CTNND2: variants seen among roughly 807,000 people sequenced by gnomAD.
CTNND2 encodes the protein catenin delta-2.
Under a neutral mutation model 144.4 loss-of-function variants are expected in CTNND2, and 22 were observed. The observed-to-expected ratio is 0.15, with a 90% CI of 0.11 to 0.22. The LOEUF (loss-of-function observed/expected upper bound fraction) is 0.22, where lower values mean the gene tolerates loss of function less well. CTNND2 is among the 10% of genes least tolerant of loss of function. CTNND2 has a pLI of 1.00. For missense variants in CTNND2, 1,353 were observed against 1,618.8 expected, an observed-to-expected ratio of 0.84 and a Z score of 2.82; for synonymous variants, 751 against 695.6, an observed-to-expected ratio of 1.08 and a Z score of -1.25.
At chr5:11,364,087 C>A (rs1053164929) in intron 8 of CTNND2, among the ~76,000 whole-genome samples, 1 of 152,134 alleles carries the variant, frequency 6.6e-6, no homozygotes, top group Admixed American at 6.5e-5. Context: ...AAAACACTTG[C>A]GTTTTGTCGT....
intron 10 of CTNND2, among the ~76,000 whole-genome samples, chr5:11,209,193 C>A (rs572515162): frequency 1.3e-5 from 2 of 152,072 alleles, no homozygotes; most frequent in African/African-American, 4.8e-5. Context: ...TAGAACATGA[C>A]AAAATGATTC....
chr5:11,581,314 A>C (rs1330135009), intron 2 of CTNND2, among the ~76,000 whole-genome samples: 1 of 152,166 alleles, frequency 6.6e-6, no homozygotes, highest in African/African-American at 2.4e-5. Flanking sequence ...TTCTGTATCA[A>C]ACATATGCAT....
intron 2 of CTNND2, among the ~76,000 whole-genome samples, chr5:11,665,971 A>G (rs540941469): frequency 3.1e-4 from 47 of 152,324 alleles, no homozygotes; most frequent in African/African-American, 1.1e-3. Context: ...ATTATGAGCA[A>G]AGAAATACAC....
chr5:11,797,940 A>T (rs1275898045), intron 1 of CTNND2, among the ~76,000 whole-genome samples: 2 of 152,190 alleles, frequency 1.3e-5, no homozygotes, highest in Admixed American at 1.3e-4. Flanking sequence ...ACAGAGCAAA[A>T]GTTAACAGAG....
intron 19 of CTNND2, among the ~76,000 whole-genome samples, chr5:10,990,035 G>T (rs1026595096): frequency 1.3e-5 from 2 of 152,152 alleles, no homozygotes; most frequent in Admixed American, 6.5e-5. Flanking sequence ...AGAAGTCCTG[G>T]GTACAAATGC....
rs1738138453 is a variant in CTNND2 at position 11,904,105 on chromosome 5, G to C, written c.-252C>G. The C allele has an allele frequency of 6.2e-6, 1 of 160,612 alleles. No homozygotes were observed. The highest frequency in any genetic ancestry group is 6.6e-5 in the Admixed American group (1 of 15,100). 9.9% of individuals were successfully genotyped at this position (160,612 alleles called of 1,614,324 possible). A position where few individuals can be genotyped will look rare whatever the true frequency, so the allele number is the denominator to read the frequency against. On this transcript the variant is annotated 5_prime_UTR_variant, in exon 1 of 22. Transcript: ENST00000304623. The surrounding 1 kb of genome is among the most constrained non-coding windows in gnomAD (Gnocchi z 4.2). ...TCGGCGAGCGCAGCGCCCCCTGCCC[G>C]GCTCCGCGGGCTCCACGGGCTCCTG...
At position 11,885,719 on chromosome 5, in the gene CTNND2, A is replaced by G. The variant is rs189921621; in HGVS notation, c.37+18098T>C. Reference sequence around the variant, plus strand: ...GAACATTTCATCCAACAGCTTCAGAATACACATTTTTTTTCATCAGCACAT... The same window carrying G: ...GAACATTTCATCCAACAGCTTCAGAGTACACATTTTTTTTCATCAGCACAT... On this transcript the variant is annotated intron_variant, in intron 1 of 21. Coordinates refer to ENST00000304623, the MANE Select transcript of CTNND2 (RefSeq NM_001332.4). Among the ~76,000 whole-genome samples, 127 of 152,290 alleles carry G rather than the reference A, an allele frequency of 8.3e-4. 1 individual carries two copies. The highest frequency in any genetic ancestry group is 2.9e-3 in the African/African-American group (119 of 41,582).
chr5:11,262,711 G>A (rs529078322), intron 9 of CTNND2, among the ~76,000 whole-genome samples: 12 of 128,778 alleles, frequency 9.3e-5, no homozygotes, highest in Admixed American at 4.8e-4. Context: ...GCAGTGAGTC[G>A]AGACCGCACC....
chr5:11,129,141 T>TATATATA (rs1755193969), intron 12 of CTNND2, among the ~76,000 whole-genome samples: 1 of 32,664 alleles, frequency 3.1e-5, no homozygotes, highest in African/African-American at 1.2e-4. Context: ...TTATATATAT[T>TATATATA]ATATATAAAA....
chr5:11,708,720 T>G (rs1297575519), intron 2 of CTNND2, among the ~76,000 whole-genome samples: 1 of 152,102 alleles, frequency 6.6e-6, no homozygotes, highest in African/African-American at 2.4e-5. Flanking sequence ...GGCCATGAGC[T>G]CTGTTGCAGT....
intron 2 of CTNND2, among the ~76,000 whole-genome samples, chr5:11,578,525 G>T: frequency 6.6e-6 from 1 of 152,078 alleles, no homozygotes; most frequent in Non-Finnish European, 1.5e-5. Flanking sequence ...GCCAGGCACG[G>T]TGGCACGCAC....
chr5:11,535,709 T>A (rs1273167379), intron 3 of CTNND2, among the ~76,000 whole-genome samples: 2 of 152,174 alleles, frequency 1.3e-5, no homozygotes, highest in Non-Finnish European at 2.9e-5. Flanking sequence ...AAATGCACAG[T>A]GGGAAAATTA....
intron 3 of CTNND2, among the ~76,000 whole-genome samples, chr5:11,562,580 C>T (rs1164061086): frequency 6.6e-6 from 1 of 152,056 alleles, no homozygotes; most frequent in Admixed American, 6.5e-5. Flanking sequence ...TTATATATGG[C>T]AAAGGGAAAT....
intron 7 of CTNND2, among the ~76,000 whole-genome samples, chr5:11,383,027 A>T (rs1023119874): frequency 6.6e-6 from 1 of 151,990 alleles, no homozygotes; most frequent in Admixed American, 6.6e-5. Context: ...AGCTCCATTC[A>T]CCCTCCCCTA....
intron 16 of CTNND2, among the ~76,000 whole-genome samples, chr5:11,077,286 T>C (rs1203259747): frequency 1.3e-5 from 2 of 152,156 alleles, no homozygotes; most frequent in East Asian, 1.9e-4. Flanking sequence ...TAATACATTA[T>C]ATATTAGAAG....
chr5:11,323,082 C>A (rs559863653), intron 9 of CTNND2, among the ~76,000 whole-genome samples: 5 of 152,068 alleles, frequency 3.3e-5, no homozygotes, highest in Admixed American at 6.6e-5. Context: ...TGTCTTGCCC[C>A]GGCTTGAGTA....
intron 16 of CTNND2, among the ~76,000 whole-genome samples, chr5:11,029,824 T>C (rs1743252434): frequency 6.6e-6 from 1 of 152,244 alleles, no homozygotes; most frequent in South Asian, 2.1e-4. Context: ...ATGAGCTTTA[T>C]AATTGCCCAT....
chr5:11,801,609 A>G (rs1388455131), intron 1 of CTNND2, among the ~76,000 whole-genome samples: 1 of 152,198 alleles, frequency 6.6e-6, no homozygotes, highest in Non-Finnish European at 1.5e-5. Context: ...TAATTGGGAA[A>G]ACTCCATAGG....
At chr5:11,677,368 A>G (rs1581706968) in intron 2 of CTNND2, among the ~76,000 whole-genome samples, 1 of 152,204 alleles carries the variant, frequency 6.6e-6, no homozygotes, top group Non-Finnish European at 1.5e-5. Flanking sequence ...CCCTGAGTAG[A>G]GCTCCTGGAA....
Sources: gnomAD v4.1 joint callset for allele counts (sites outside exome capture counted in the v4.1 genomes callset) on GRCh38, gnomAD v4.1.1 for gene constraint, Gnocchi (gnomAD v3.1) non-coding constraint, MANE v1.5 for transcripts, NCBI Gene and HGNC (gene_info 2026-07-23, HGNC 2026-07-21) for gene names.